The following SYN3 variants were observed in gnomAD, a reference collection of about 807,000 sequenced individuals.
SYN3 encodes synapsin III.
A neutral mutation model predicts 65.8 loss-of-function variants in SYN3; 35 were observed. That is an observed-to-expected ratio of 0.53 (90% CI 0.41 to 0.70). SYN3 has a LOEUF of 0.70. Ranked by LOEUF, SYN3 falls within the 30% of genes least tolerant of loss-of-function variation. The pLI is 0.00. For missense variants in SYN3, 680 were observed against 749.0 expected (o/e 0.91, Z 1.08); for synonymous variants, 270 against 292.9 (o/e 0.92, Z 0.80).
chr22:32,673,173 T>C (rs1010450606), intron 6 of SYN3, among the ~76,000 whole-genome samples: 155 of 152,184 alleles, frequency 1.0e-3, no homozygotes, highest in Middle Eastern at 3.4e-3. Context: ...TAAGGGTACG[T>C]AGGATGTTCT....
intron 6 of SYN3, among the ~76,000 whole-genome samples, chr22:32,644,765 C>T (rs1271709626): frequency 2.0e-5 from 3 of 152,154 alleles, no homozygotes; most frequent in Non-Finnish European, 4.4e-5. Flanking sequence ...GCCTCTATCC[C>T]GTGGCCTCCT....
intron 6 of SYN3, among the ~76,000 whole-genome samples, chr22:32,843,222 T>C (rs571231645): frequency 1.1e-4 from 17 of 152,334 alleles, no homozygotes; most frequent in African/African-American, 4.1e-4. Context: ...TTAAAGAACA[T>C]GCACACGTTG....
intron 2 of SYN3, among the ~76,000 whole-genome samples, chr22:32,981,588 CAAT>C (rs534663521): frequency 2.9e-4 from 44 of 149,774 alleles, no homozygotes; most frequent in East Asian, 2.0e-3. Flanking sequence ...CAGTCTCAAA[CAAT>C]AATAATAATA....
intron 4 of SYN3, among the ~76,000 whole-genome samples, chr22:32,895,409 T>C (rs2049563453): frequency 6.6e-6 from 1 of 152,186 alleles, no homozygotes. Context: ...CATCTATCTA[T>C]CTATTTATCT....
At chr22:32,717,232 C>T (rs1397923045) in intron 6 of SYN3, among the ~76,000 whole-genome samples, 2 of 152,148 alleles carry the variant, frequency 1.3e-5, no homozygotes, top group East Asian at 1.9e-4. Flanking sequence ...CCTGAGCCCA[C>T]GATGCTATAC....
chr22:32,751,878 C>G, intron 6 of SYN3, among the ~76,000 whole-genome samples: 1 of 152,190 alleles, frequency 6.6e-6, no homozygotes, highest in East Asian at 1.9e-4. Context: ...TTAGTGAGCA[C>G]TTACTATGTG....
intron 6 of SYN3, among the ~76,000 whole-genome samples, chr22:32,597,046 T>C (rs62232741): frequency 0.18 from 26,862 of 152,082 alleles, 2,905 homozygotes; most frequent in South Asian, 0.28. Context: ...TCAGGCAAGT[T>C]ATTGCATTGA....
At chr22:32,635,339 C>T (rs1447282977) in intron 6 of SYN3, 2 of 152,104 alleles carry the variant, frequency 1.3e-5, no homozygotes, top group Non-Finnish European at 2.9e-5. Context: ...TCTTCAGAAT[C>T]TGGGGCTGTA....
At chr22:32,725,544 C>G (rs147279466) in intron 6 of SYN3, among the ~76,000 whole-genome samples, 1 of 152,242 alleles carries the variant, frequency 6.6e-6, no homozygotes, top group Non-Finnish European at 1.5e-5. Context: ...TTGCATTCTA[C>G]GCGTGGGCTG....
intron 1 of SYN3, among the ~76,000 whole-genome samples, chr22:33,052,267 A>G (rs561336951): frequency 1.3e-5 from 2 of 152,336 alleles, no homozygotes; most frequent in South Asian, 4.1e-4. Context: ...AATGCTCAGA[A>G]GCAGGTGGCA....
At position 32,886,441 on chromosome 22, in the gene SYN3, G is replaced by A. The variant is rs186467026; in HGVS notation, c.462-17316C>T. Among the ~76,000 whole-genome samples the A allele has an allele frequency of 2.6e-5, 4 of 152,268 alleles. No homozygotes were observed. The East Asian group carries it at 5.8e-4, about 22-fold the overall frequency. On this transcript the variant is annotated intron_variant, in intron 4 of 13. Transcript: ENST00000358763. ...AGGATCCCGGCTCCCCCAGCTGTGC[G>A]ACTCTGGACACGTTTTGAGCTTCAG... is the stretch of plus-strand genomic sequence containing the variant.
chr22:32,758,681 CATAT>C (rs71187211), intron 6 of SYN3, among the ~76,000 whole-genome samples: 781 of 33,076 alleles, frequency 0.024, 198 homozygotes, highest in East Asian at 0.045. Context: ...TTACTAAACT[CATAT>C]ATATATATAT....
intron 6 of SYN3, among the ~76,000 whole-genome samples, chr22:32,791,174 C>T (rs537224853): frequency 6.6e-6 from 1 of 152,330 alleles, no homozygotes; most frequent in East Asian, 1.9e-4. Flanking sequence ...TACCTTTACA[C>T]TTGTATATTA....
intron 3 of SYN3, among the ~76,000 whole-genome samples, chr22:32,952,848 G>A (rs891554426): frequency 5.9e-5 from 9 of 152,314 alleles, no homozygotes; most frequent in South Asian, 2.1e-4. Flanking sequence ...TCTGGAATCA[G>A]AACAAACGAG....
At chr22:32,868,429 T>C (rs1348439991) in intron 5 of SYN3, among the ~76,000 whole-genome samples, 2 of 151,494 alleles carry the variant, frequency 1.3e-5, no homozygotes, top group Admixed American at 1.3e-4. Flanking sequence ...TTAACGTATA[T>C]GCATTTATTT....
Position 33,033,174 on chromosome 22 carries a change from GTTTCACCATGTTGGCCGGC to G in SYN3, c.-163+25099_-163+25117del, listed in dbSNP as rs961394996. Among the ~76,000 whole-genome samples the G allele has an allele frequency of 1.8e-4, 28 of 152,104 alleles. 2 individuals carry two copies. Among genetic ancestry groups the G allele is most frequent in the East Asian group, 1.2e-3 (6 of 5,158 alleles). Reference sequence around the variant, plus strand: ...TTTTTGTATTTTTAGTAGAGACGGGGTTTCACCATGTTGGCCGGCTTTCACCATGTTGGCCAGGCTGATC... The same window carrying G: ...TTTTTGTATTTTTAGTAGAGACGGGGTTTCACCATGTTGGCCAGGCTGATC... On this transcript the variant is annotated intron_variant, in intron 1 of 13. Coordinates refer to ENST00000358763, the MANE Select transcript of SYN3 (RefSeq NM_003490.4).
At chr22:32,633,939 C>T (rs562714314) in intron 6 of SYN3, among the ~76,000 whole-genome samples, 8 of 151,832 alleles carry the variant, frequency 5.3e-5, no homozygotes, top group African/African-American at 7.2e-5. Context: ...AAAAGGCATC[C>T]TAGGAGGGAG....
chr22:32,692,153 G>GAAAAAAAAAA (rs2060670829), intron 6 of SYN3, among the ~76,000 whole-genome samples: 2 of 4,844 alleles, frequency 4.1e-4, no homozygotes, highest in African/African-American at 2.1e-3. Flanking sequence ...AAGACAAAAA[G>GAAAAAAAAAA]ACAAAAAAAA....
chr22:32,879,231 TG>T (rs1275449372), intron 4 of SYN3, among the ~76,000 whole-genome samples: 1 of 152,228 alleles, frequency 6.6e-6, no homozygotes, highest in Non-Finnish European at 1.5e-5. Flanking sequence ...TAAAGTTTCA[TG>T]GATCTGCCAA....
Sources: gnomAD v4.1 joint callset for allele counts (sites outside exome capture counted in the v4.1 genomes callset) on GRCh38, gnomAD v4.1.1 for gene constraint, MANE v1.5 for transcripts, NCBI Gene and HGNC (gene_info 2026-07-23, HGNC 2026-07-21) for gene names.